The following MGARP variants were observed in gnomAD, a reference collection of about 807,000 sequenced individuals.
MGARP encodes protein MGARP.
A neutral mutation model predicts 11.0 loss-of-function variants in MGARP; 12 were observed. The observed-to-expected ratio is 1.09, with a 90% confidence interval of 0.70 to 1.77. The LOEUF (loss-of-function observed/expected upper bound fraction) is 1.77, where lower values mean the gene tolerates loss of function less well. Ranked by LOEUF, MGARP falls within the 40% of genes most tolerant of loss-of-function variation. The pLI, the probability that MGARP is intolerant of heterozygous loss-of-function variation, is 0.00. For synonymous variants in MGARP, 110 were observed against 115.4 expected, an observed-to-expected ratio of 0.95 and a Z score of 0.30; for missense variants, 283 against 297.8, an observed-to-expected ratio of 0.95 and a Z score of 0.36.
intron 2 of MGARP, among the ~76,000 whole-genome samples, chr4:139,270,313 A>G: frequency 6.6e-6 from 1 of 150,662 alleles, no homozygotes; most frequent in South Asian, 2.1e-4. Context: ...AAAAAAAAAA[A>G]AGAAAGAAAG....
In MGARP at chr4:139,266,526, G is replaced by C; in HGVS notation, c.*73C>G. 1 of 1,284,124 alleles carries C rather than the reference G, an allele frequency of 7.8e-7. No homozygotes were observed. The highest frequency in any genetic ancestry group is 1.1e-6 in the Non-Finnish European group (1 of 947,012). The allele number at this position is 1,284,124 out of a possible 1,614,324, so 79.5% of individuals were successfully genotyped here. ...ATAAGTCTTTTTTTTTTTAAACTAAGTGTACTAAAAACACAAAAGCACTTA... is the reference window on the plus strand; with the variant it reads ...ATAAGTCTTTTTTTTTTTAAACTAACTGTACTAAAAACACAAAAGCACTTA... On this transcript the variant is annotated 3_prime_UTR_variant, in exon 4 of 4. Transcript: ENST00000398955.
intron 1 of MGARP, among the ~76,000 whole-genome samples, chr4:139,278,579 TGC>T (rs1329936524): frequency 6.6e-6 from 1 of 152,126 alleles, no homozygotes; most frequent in East Asian, 1.9e-4. Flanking sequence ...AAAAAAAAGG[TGC>T]GCGTGTGTGT....
At chr4:139,269,425 T>C (rs1462120701) in intron 2 of MGARP, among the ~76,000 whole-genome samples, 1 of 151,828 alleles carries the variant, frequency 6.6e-6, no homozygotes, top group East Asian at 1.9e-4. Context: ...AGTCAGGAGT[T>C]CGAGACCAGT....
chr4:139,280,162 G>T lies in MGARP; in HGVS notation c.-4C>A, dbSNP rs372085560. On this transcript the variant is annotated 5_prime_UTR_variant, in exon 1 of 4. Transcript: ENST00000398955. ...AGACCGCCCTGCGGAGATACATCGC[G>T]CCCGCTGTCCGCCGCGCAGCAGCCT... 1.5e-5 allele frequency: 24 copies of T among 1,606,228 alleles called. No individual in the cohort carries two copies. Among genetic ancestry groups the T allele is most frequent in the Non-Finnish European group, 1.9e-5 (22 of 1,177,648 alleles).
chr4:139,269,860 T>C (rs75367927), intron 2 of MGARP, among the ~76,000 whole-genome samples: 8,737 of 152,228 alleles, frequency 0.057, 283 homozygotes, highest in East Asian at 0.1. Context: ...TAACTTTTAA[T>C]GGTAAGATGA....
Position 139,266,432 on chromosome 4 carries a change from A to T in MGARP, c.*167T>A. 2 of 620,586 alleles carry T rather than the reference A, an allele frequency of 3.2e-6. No homozygotes were observed. The highest frequency in any genetic ancestry group is 4.2e-5 in the South Asian group (2 of 48,128). The allele number at this position is 620,586 out of a possible 1,614,324, so 38.4% of individuals were successfully genotyped here. On this transcript the variant is annotated 3_prime_UTR_variant, in exon 4 of 4. Coordinates refer to ENST00000398955, the MANE Select transcript of MGARP (RefSeq NM_032623.4). ...GAGTAGTAAGAAATGTACAATCTCAAGTCTCTCAGTCCTAAAATCTATCAG... is the reference window on the plus strand; with the variant it reads ...GAGTAGTAAGAAATGTACAATCTCATGTCTCTCAGTCCTAAAATCTATCAG...
intron 3 of MGARP, among the ~76,000 whole-genome samples, chr4:139,268,185 T>G (rs942280450): frequency 6.6e-6 from 1 of 151,410 alleles, no homozygotes; most frequent in African/African-American, 2.4e-5. Flanking sequence ...AAGGAAAGAG[T>G]GAAAATATAA....
rs763327750 is a variant in MGARP at position 139,280,124 on chromosome 4, G to T, written c.35C>A (p.Ala12Glu). The change falls in exon 1 of 4, where the codon GCG (alanine) becomes GAG (glutamate). Residue 12 changes from alanine to glutamate, a missense_variant. Ala to Glu is a moderately radical substitution (Grantham distance 107). Transcript: ENST00000398955. Reference sequence around the variant, plus strand: ...GTTGGGGGGCGCCCTCAGCGGCAGCGCCAGAGTCTTGGAGACCGCCCTGCG... The same window carrying T: ...GTTGGGGGGCGCCCTCAGCGGCAGCTCCAGAGTCTTGGAGACCGCCCTGCG... ...YLRRAVSKTL[A>E]LPLRAPPNPA... 16 of 1,611,862 alleles carry T rather than the reference G, an allele frequency of 9.9e-6. No individual in the cohort carries two copies. Among genetic ancestry groups the T allele is most frequent in the Non-Finnish European group, 1.4e-5 (16 of 1,179,700 alleles).
At position 139,267,668 on chromosome 4, in the gene MGARP, G is replaced by A. The variant is rs139489092; in HGVS notation, c.281-627C>T. Among the ~76,000 whole-genome samples the A allele has an allele frequency of 2.0e-3, 300 of 152,158 alleles. 3 individuals carry two copies. The highest frequency in any genetic ancestry group is 1.5e-3 in the Non-Finnish European group (102 of 68,000). ...ATGCTTATTAGTATTATAAACAACC[G>A]CATGATTATATTCAATAATATGTAT... On this transcript the variant is annotated intron_variant, in intron 3 of 3. Transcript: ENST00000398955.
rs1309043619 is a variant in MGARP, at chr4:139,268,727, TG to T, written c.224del (p.Thr75LysfsTer7). On this transcript the variant is annotated frameshift_variant, in exon 3 of 4. Coordinates refer to ENST00000398955, the MANE Select transcript of MGARP (RefSeq NM_032623.4). LOFTEE classifies it high-confidence loss of function. Reference protein sequence around the residue: ...KTVTSDQAKHTEHKTNLKEKT... With the variant: ...KTVTSDQAKHXEHKTNLKEKT... The stretch of plus-strand genomic sequence containing the variant: ...TTTCTTTCAAATTTGTTTTATGTTC[TG>T]TGTGTTTGGCTTGGTCTGATGTGAC... 4 of 1,612,586 alleles carry T rather than the reference TG, an allele frequency of 2.5e-6. No individual in the cohort carries two copies. The highest frequency in any genetic ancestry group is 3.4e-6 in the Non-Finnish European group (4 of 1,179,426).
chr4:139,280,041 C>T (rs1371049872), intron 1 of MGARP, 36 bp downstream of exon 1: 50 of 1,607,130 alleles, frequency 3.1e-5, no homozygotes, highest in Non-Finnish European at 4.0e-5. Flanking sequence ...ACCCGAGGCG[C>T]CCGTCCTCCT....
At chr4:139,274,734 C>T (rs1433416851) in intron 2 of MGARP, among the ~76,000 whole-genome samples, 1 of 152,144 alleles carries the variant, frequency 6.6e-6, no homozygotes, top group Admixed American at 6.6e-5. Flanking sequence ...CCACCTGCCT[C>T]AGCCTCCCAA....
rs752584766 is a variant in MGARP, at chr4:139,280,143, C to T, written c.16G>A (p.Ala6Thr). 1 of 1,610,440 alleles carries T rather than the reference C, an allele frequency of 6.2e-7. No homozygotes were observed. The highest frequency in any genetic ancestry group is 8.5e-7 in the Non-Finnish European group (1 of 1,179,226). MYLRRAVSKTLALPLR... is the reference protein window; with the variant it reads MYLRRTVSKTLALPLR... ...GGCAGCGCCAGAGTCTTGGAGACCG[C>T]CCTGCGGAGATACATCGCGCCCGCT... is the stretch of plus-strand genomic sequence containing the variant. Residue 6 changes from alanine to threonine, a missense_variant, in exon 1 of 4, where the codon GCG becomes ACG. Physicochemically the swap from Ala to Thr is moderately conservative, Grantham distance 58 (BLOSUM62 0). Transcript: ENST00000398955.
intron 2 of MGARP, among the ~76,000 whole-genome samples, chr4:139,272,251 T>C (rs1284986127): frequency 6.6e-6 from 1 of 152,034 alleles, no homozygotes; most frequent in Non-Finnish European, 1.5e-5. Context: ...CTGAAGATTA[T>C]GACTAGCCTT....
intron 2 of MGARP, among the ~76,000 whole-genome samples, chr4:139,273,959 T>C (rs1284122354): frequency 6.6e-6 from 1 of 152,210 alleles, no homozygotes; most frequent in African/African-American, 2.4e-5. Flanking sequence ...TCTTACAGGG[T>C]TTACCTGGAG....
At chr4:139,267,172 C>T in intron 3 of MGARP, 131 bp from the exon 4 acceptor site, 1 of 888,310 alleles carries the variant, frequency 1.1e-6, no homozygotes, top group Non-Finnish European at 1.7e-6. Flanking sequence ...GGTAGACTCT[C>T]AAGTGAAACA....
intron 1 of MGARP, among the ~76,000 whole-genome samples, chr4:139,276,724 C>T (rs1446136652): frequency 6.6e-6 from 1 of 152,068 alleles, no homozygotes; most frequent in African/African-American, 2.4e-5. Context: ...TGGTATGTGC[C>T]TGTAGTCCCA....
intron 2 of MGARP, among the ~76,000 whole-genome samples, chr4:139,269,977 G>C (rs762274555): frequency 6.6e-6 from 1 of 152,108 alleles, no homozygotes; most frequent in Non-Finnish European, 1.5e-5. Context: ...CAATTTTACA[G>C]TGTAAAAATT....
intron 1 of MGARP, 23 bp downstream of exon 1, chr4:139,280,054 C>G (rs751331096): frequency 2.1e-5 from 34 of 1,610,964 alleles, no homozygotes; most frequent in African/African-American, 4.0e-5. Context: ...GTCCTCCTCT[C>G]CGGGCTAGAC....
Sources: gnomAD v4.1 joint callset for allele counts (sites outside exome capture counted in the v4.1 genomes callset) on GRCh38, gnomAD v4.1.1 for gene constraint, MANE v1.5 for transcripts, NCBI Gene and HGNC (gene_info 2026-07-23, HGNC 2026-07-21) for gene names.